Variants in EPS8 observed in about 807,000 individuals in gnomAD.
EPS8 encodes EGFR pathway substrate 8, signaling adaptor, also known as epidermal growth factor receptor kinase substrate 8.
Under a neutral mutation model 103.8 loss-of-function variants are expected in EPS8, and 42 were observed. That is an observed-to-expected ratio of 0.40 (90% CI 0.32 to 0.52). EPS8 has a LOEUF of 0.52. Ranked by LOEUF, EPS8 falls within the 20% of genes least tolerant of loss-of-function variation. EPS8 has a pLI of 0.40. For missense variants in EPS8, 969 were observed against 1,005.1 expected (o/e 0.96, Z 0.49); for synonymous variants, 344 against 344.6 (o/e 1.00, Z 0.02).
intron 1 of EPS8, among the ~76,000 whole-genome samples, chr12:15,786,017 T>G (rs1243471935): frequency 6.6e-6 from 1 of 151,484 alleles, no homozygotes; most frequent in Non-Finnish European, 1.5e-5. Flanking sequence ...GAGAAAAATA[T>G]CCAAATAATT....
intron 19 of EPS8, 93 bp downstream of exon 19, chr12:15,624,134 T>TA: frequency 1.0e-6 from 1 of 1,003,256 alleles, no homozygotes; most frequent in East Asian, 2.5e-5. Context: ...GCCCTTATGT[T>TA]TTATAACAGT....
chr12:15,705,243 A>G lies in EPS8; in HGVS notation c.-21-22271T>C, dbSNP rs118157797. ...GAGTAGGACTCCTTGCTTCACCCCT[A>G]CACACTGATCTCAGTCTACTGAGGA... On this transcript the variant is annotated intron_variant, in intron 1 of 20. Transcript: ENST00000281172. 1.8e-3 allele frequency among the ~76,000 whole-genome samples: 280 copies of G among 152,328 alleles called. 5 individuals are homozygous for G. The East Asian group carries it at 0.028, about 15-fold the overall frequency.
chr12:15,758,727 C>T (rs1947012561), intron 1 of EPS8, among the ~76,000 whole-genome samples: 1 of 152,128 alleles, frequency 6.6e-6, no homozygotes, highest in Admixed American at 6.6e-5. Context: ...GACTGTATAG[C>T]TGATAATATT....
At chr12:15,739,545 T>C (rs924705767) in intron 1 of EPS8, among the ~76,000 whole-genome samples, 2 of 152,086 alleles carry the variant, frequency 1.3e-5, no homozygotes, top group African/African-American at 2.4e-5. Context: ...CACTCTTCCA[T>C]AGTCAGGACA....
chr12:15,661,052 T>C (rs548366410), intron 9 of EPS8, among the ~76,000 whole-genome samples: 1 of 152,326 alleles, frequency 6.6e-6, no homozygotes, highest in Non-Finnish European at 1.5e-5. Context: ...AGGAAAATTC[T>C]AAAATAGGTT....
intron 1 of EPS8, among the ~76,000 whole-genome samples, chr12:15,724,931 C>T (rs1160152900): frequency 6.6e-6 from 1 of 151,908 alleles, no homozygotes; most frequent in Non-Finnish European, 1.5e-5. Context: ...ATAAGATCTC[C>T]GAAGTTCTTT....
At chr12:15,729,182 T>C (rs1422584544) in intron 1 of EPS8, among the ~76,000 whole-genome samples, 1 of 152,168 alleles carries the variant, frequency 6.6e-6, no homozygotes, top group East Asian at 1.9e-4. Context: ...CTTCCCATTG[T>C]CTTTGAATTT....
rs1947322626 is a variant in EPS8 at position 15,787,472 on chromosome 12, A to C, written c.-22+1689T>G. 6.6e-6 allele frequency among the ~76,000 whole-genome samples: 1 copy of C among 152,210 alleles called. No individual in the cohort carries two copies. Among genetic ancestry groups the C allele is most frequent in the Admixed American group, 6.5e-5 (1 of 15,278 alleles). On this transcript the variant is annotated intron_variant, in intron 1 of 20. Coordinates refer to ENST00000281172, the MANE Select transcript of EPS8 (RefSeq NM_004447.6). This position sits in a 1 kb window ranked among gnomAD's most constrained non-coding sequence, Gnocchi z 4.9. ...CATTAGGTTCCTGACAGGAAACAAA[A>C]GAAACATCACCCTATTAAGAGTGGG... is the stretch of plus-strand genomic sequence containing the variant.
At chr12:15,742,058 G>T (rs1380418112) in intron 1 of EPS8, among the ~76,000 whole-genome samples, 1 of 152,098 alleles carries the variant, frequency 6.6e-6, no homozygotes, top group Non-Finnish European at 1.5e-5. Context: ...CTTTTTTATG[G>T]CTGCATAGTA....
At chr12:15,629,994 G>T (rs1245991827) in intron 18 of EPS8, among the ~76,000 whole-genome samples, 1 of 152,072 alleles carries the variant, frequency 6.6e-6, no homozygotes, top group Non-Finnish European at 1.5e-5. Context: ...ACTGGTATCT[G>T]GATGTCAGAG....
At chr12:15,657,587 C>G (rs1420299098) in intron 12 of EPS8, among the ~76,000 whole-genome samples, 1 of 152,128 alleles carries the variant, frequency 6.6e-6, no homozygotes, top group Non-Finnish European at 1.5e-5. Context: ...ATAGAAGGCT[C>G]TCAATTTGTA....
At position 15,780,481 on chromosome 12, in the gene EPS8, A is replaced by ACACACAC. The variant is rs1947249335; in HGVS notation, c.-22+8679_-22+8680insGTGTGTG. 6 of 117,548 alleles carry ACACACAC rather than the reference A, an allele frequency of 5.1e-5. No individual in the cohort carries two copies. In the South Asian group the frequency reaches 1.8e-3, roughly 35 times the overall value. 7.3% of individuals were successfully genotyped at this position (117,548 alleles called of 1,614,324 possible). The stretch of plus-strand genomic sequence containing the variant: ...CTCCTTTCTGCTATGTGCTGGGATA[A>ACACACAC]ACACACACACACACACACACACACA... On this transcript the variant is annotated intron_variant, in intron 1 of 20. Transcript: ENST00000281172. The surrounding 1 kb of genome is among the most constrained non-coding windows in gnomAD (Gnocchi z 4.1).
rs917940658 is a variant in EPS8, at chr12:15,731,899, C to T, written c.-21-48927G>A. 2.0e-5 allele frequency among the ~76,000 whole-genome samples: 3 copies of T among 151,906 alleles called. No homozygotes were observed. Among genetic ancestry groups the T allele is most frequent in the Admixed American group, 1.3e-4 (2 of 15,220 alleles). ...CAAAAGGAAGCTGGGTGGTTAATCA[C>T]TATATATATCTGTTCCTTAAAATCT... On this transcript the variant is annotated intron_variant, in intron 1 of 20. Coordinates refer to ENST00000281172, the MANE Select transcript of EPS8 (RefSeq NM_004447.6). This position sits in a 1 kb window ranked among gnomAD's most constrained non-coding sequence, Gnocchi z 5.1.
In EPS8 at chr12:15,734,297, A is replaced by G. The variant is rs144680453; in HGVS notation, c.-21-51325T>C. ...TGCTTCCTCCTCTTCCTTTTCTTCT[A>G]TTTGTTTGCCAGTTTATTCAGAAAC... On this transcript the variant is annotated intron_variant, in intron 1 of 20. Coordinates refer to ENST00000281172, the MANE Select transcript of EPS8 (RefSeq NM_004447.6). This position sits in a 1 kb window ranked among gnomAD's most constrained non-coding sequence, Gnocchi z 4.1. Among the ~76,000 whole-genome samples the G allele has an allele frequency of 3.0e-3, 462 of 152,012 alleles. 4 individuals are homozygous for G. Among genetic ancestry groups the G allele is most frequent in the African/African-American group, 9.3e-3 (386 of 41,446 alleles).
rs139200271 is a variant in EPS8, at chr12:15,657,087, T to C, written c.1101+992A>G. ...AGTTGTCAAAGGTCTCCCAATCCCT[T>C]ATAAAGACCAACAGGATGTGTCTTC... is the stretch of plus-strand genomic sequence containing the variant. On this transcript the variant is annotated intron_variant, in intron 12 of 20. Transcript: ENST00000281172. Among the ~76,000 whole-genome samples the C allele has an allele frequency of 9.5e-3, 1,442 of 152,286 alleles. 7 individuals are homozygous for C. The highest frequency in any genetic ancestry group is 0.019 in the Admixed American group (285 of 15,280).
Position 15,654,176 on chromosome 12 carries a change from T to A in EPS8, c.1219A>T (p.Met407Leu). Residue 407 changes from methionine to leucine, a missense_variant, in exon 13 of 21, where the codon ATG becomes TTG. Met to Leu is a conservative substitution (Grantham distance 15). Coordinates refer to ENST00000281172, the MANE Select transcript of EPS8 (RefSeq NM_004447.6). The stretch of plus-strand genomic sequence containing the variant: ...TTCATCCAAGTTCCTCCCAATGACA[T>A]CCACAGCTGCCGTTCATCACCATTG... ...TVNGDERQLW[M>L]SLGGTWMKAR... The A allele has an allele frequency of 1.2e-6, 2 of 1,613,878 alleles. No individual in the cohort carries two copies. The highest frequency in any genetic ancestry group is 1.7e-6 in the Non-Finnish European group (2 of 1,179,828).
At chr12:15,626,506 G>C (rs1333980833) in intron 18 of EPS8, among the ~76,000 whole-genome samples, 1 of 151,846 alleles carries the variant, frequency 6.6e-6, no homozygotes, top group Non-Finnish European at 1.5e-5. Flanking sequence ...GCATGTGCCT[G>C]TGGCCCCAGC....
chr12:15,783,349 C>T (rs1027309718), intron 1 of EPS8, among the ~76,000 whole-genome samples: 1 of 152,046 alleles, frequency 6.6e-6, no homozygotes, highest in African/African-American at 2.4e-5. Flanking sequence ...AGTAAGGCTT[C>T]CAGTCAACAG....
rs1312645159 is a variant in EPS8 at position 15,769,534 on chromosome 12, GA to G, written c.-22+19626del. 8.1e-4 allele frequency among the ~76,000 whole-genome samples: 123 copies of G among 152,056 alleles called. 1 individual carries two copies. The highest frequency in any genetic ancestry group is 2.9e-3 in the African/African-American group (120 of 41,412). On this transcript the variant is annotated intron_variant, in intron 1 of 20. Coordinates refer to ENST00000281172, the MANE Select transcript of EPS8 (RefSeq NM_004447.6). The surrounding 1 kb of genome is among the most constrained non-coding windows in gnomAD (Gnocchi z 4.6). The stretch of plus-strand genomic sequence containing the variant: ...AGACGCTCTTGTTGGCAAATATTAA[GA>G]AAAAACATTTTCACAGAAATATCTT...
Sources: gnomAD v4.1 joint callset for allele counts (sites outside exome capture counted in the v4.1 genomes callset) on GRCh38, gnomAD v4.1.1 for gene constraint, Gnocchi (gnomAD v3.1) non-coding constraint, MANE v1.5 for transcripts, NCBI Gene and HGNC (gene_info 2026-07-23, HGNC 2026-07-21) for gene names.